Variants in EFHC2 observed in about 807,000 individuals in gnomAD.
The protein encoded by EFHC2 is EF-hand domain-containing family member C2.
In EFHC2, 18 loss-of-function variants were observed where a neutral mutation model predicts 52.7. The observed-to-expected ratio is 0.34, with a 90% CI of 0.24 to 0.51. The LOEUF (loss-of-function observed/expected upper bound fraction) is 0.51. Ranked by LOEUF, EFHC2 falls within the 20% of genes least tolerant of loss-of-function variation. EFHC2 has a pLI of 0.97. For missense variants in EFHC2, 513 were observed against 562.5 expected, an observed-to-expected ratio of 0.91 and a Z score of 0.89; for synonymous variants, 203 against 204.1, an observed-to-expected ratio of 0.99 and a Z score of 0.04.
intron 11 of EFHC2, among the ~76,000 whole-genome samples, chrX:44,202,359 C>T (rs1239299174): frequency 9.0e-6 from 1 of 111,138 alleles, no homozygotes; most frequent in Non-Finnish European, 1.9e-5. Flanking sequence ...CTGTAGTGAG[C>T]GGAGATCGCT....
chrX:44,157,736 A>ACCCCCCCCCCCCCCCCCCC (rs1348786049), intron 14 of EFHC2, among the ~76,000 whole-genome samples: 11 of 66,617 alleles, frequency 1.7e-4, no homozygotes, highest in Non-Finnish European at 1.9e-4. Flanking sequence ...TGAGTGCTCC[A>ACCCCCCCCCCCCCCCCCCC]CCCCCCTCCC....
intron 11 of EFHC2, among the ~76,000 whole-genome samples, chrX:44,179,297 T>C (rs1408277980): frequency 2.7e-5 from 3 of 111,901 alleles, no homozygotes; most frequent in African/African-American, 6.5e-5. Context: ...CCAGACAGAA[T>C]TATATCAAAA....
At chrX:44,331,600 C>CTGAT (rs2038086986) in intron 1 of EFHC2, among the ~76,000 whole-genome samples, 1 of 111,677 alleles carries the variant, frequency 9.0e-6, no homozygotes, top group African/African-American at 3.3e-5. Flanking sequence ...TGTCAAGATA[C>CTGAT]TGATTGTGAT....
intron 2 of EFHC2, among the ~76,000 whole-genome samples, chrX:44,308,167 T>A (rs1446147582): frequency 9.0e-6 from 1 of 111,252 alleles, no homozygotes; most frequent in African/African-American, 3.3e-5. Flanking sequence ...TATAAATGAA[T>A]TAACTCACAC....
intron 7 of EFHC2, among the ~76,000 whole-genome samples, chrX:44,243,080 G>A (rs1346893928): frequency 9.0e-6 from 1 of 111,699 alleles, no homozygotes; most frequent in Non-Finnish European, 1.9e-5. Context: ...GAGAGGTGGA[G>A]AGAGAGCTGG....
Position 44,228,110 on chromosome X carries a change from C to G in EFHC2, c.1751+1539G>C, listed in dbSNP as rs145661102. The stretch of plus-strand genomic sequence containing the variant: ...CCACTGAAGGATTTTTCAAGCCAGG[C>G]GAAACCTGATCTGAGTTTCATTTTA... On this transcript the variant is annotated intron_variant, in intron 11 of 14. Transcript: ENST00000420999. Among the ~76,000 whole-genome samples, 205 of 112,120 alleles carry G rather than the reference C, an allele frequency of 1.8e-3. 2 individuals carry two copies. Among genetic ancestry groups the G allele is most frequent in the African/African-American group, 6.4e-3 (198 of 30,903 alleles).
intron 4 of EFHC2, among the ~76,000 whole-genome samples, chrX:44,252,212 T>C (rs1207960157): frequency 9.0e-6 from 1 of 111,682 alleles, no homozygotes; most frequent in African/African-American, 3.3e-5. Flanking sequence ...GATGCAACTC[T>C]TCCCTCTATT....
At chrX:44,310,374 G>C (rs1025159421) in intron 2 of EFHC2, 1 of 939,177 alleles carries the variant, frequency 1.1e-6, no homozygotes, top group Non-Finnish European at 1.5e-6. Flanking sequence ...CTCAGGGCCG[G>C]CGGCCTGTTC....
In EFHC2 at chrX:44,302,011, T is replaced by G. The variant is rs146855282; in HGVS notation, c.231+10557A>C. Reference sequence around the variant, plus strand: ...CAGAAGTTTTTGTGTGAACATGTTTTAATTTCTTTTAGATGGATACATAGA... The same window carrying G: ...CAGAAGTTTTTGTGTGAACATGTTTGAATTTCTTTTAGATGGATACATAGA... On this transcript the variant is annotated intron_variant, in intron 2 of 14. Transcript: ENST00000420999. Among the ~76,000 whole-genome samples, 383 of 112,117 alleles carry G rather than the reference T, an allele frequency of 3.4e-3. 3 individuals carry two copies. Among genetic ancestry groups the G allele is most frequent in the Middle Eastern group, 0.028 (6 of 215 alleles).
rs182075400 is a variant in EFHC2 at position 44,245,268 on chromosome X, G to A, written c.1112-2979C>T. ...AAGATTTTTGTTGAATCTAAGCATAGCCCAATAAGTGTTCAACAGCAACAA... is the reference window on the plus strand; with the variant it reads ...AAGATTTTTGTTGAATCTAAGCATAACCCAATAAGTGTTCAACAGCAACAA... On this transcript the variant is annotated intron_variant, in intron 7 of 14. Coordinates refer to ENST00000420999, the MANE Select transcript of EFHC2 (RefSeq NM_025184.4). Among the ~76,000 whole-genome samples, 3 of 111,967 alleles carry A rather than the reference G, an allele frequency of 2.7e-5. No individual in the cohort carries two copies. The Admixed American group carries it at 2.8e-4, about 11-fold the overall frequency.
rs192827775 is a variant in EFHC2 at position 44,232,585 on chromosome X, C to T, written c.1516G>A (p.Glu506Lys). ...ACCGTGACTCCAATGTACAGCTCCTCGGCCTTGATATATTCAGATAGTTCA... is the reference window on the plus strand; with the variant it reads ...ACCGTGACTCCAATGTACAGCTCCTTGGCCTTGATATATTCAGATAGTTCA... Reference protein sequence around the residue: ...KSELSEYIKAEELYIGVTVNV... With the variant: ...KSELSEYIKAKELYIGVTVNV... Residue 506 changes from glutamate to lysine, a missense_variant, in exon 10 of 15, where the codon GAG becomes AAG. Coordinates refer to ENST00000420999, the MANE Select transcript of EFHC2 (RefSeq NM_025184.4). 5,256 of 1,192,985 alleles carry T rather than the reference C, an allele frequency of 4.4e-3. 15 individuals carry two copies. The highest frequency in any genetic ancestry group is 0.028 in the Middle Eastern group (123 of 4,321).
intron 11 of EFHC2, among the ~76,000 whole-genome samples, chrX:44,195,062 C>T (rs899467688): frequency 8.9e-6 from 1 of 112,093 alleles, no homozygotes; most frequent in African/African-American, 3.2e-5. Context: ...TTCAATACTT[C>T]CCTCTCACTA....
intron 2 of EFHC2, among the ~76,000 whole-genome samples, chrX:44,306,631 C>A (rs1237697568): frequency 1.8e-5 from 2 of 112,056 alleles, no homozygotes; most frequent in Non-Finnish European, 3.8e-5. Flanking sequence ...TGCGGGATAA[C>A]AAATACTGGC....
At chrX:44,259,564 T>G (rs902108044) in intron 4 of EFHC2, among the ~76,000 whole-genome samples, 12 of 112,123 alleles carry the variant, frequency 1.1e-4, no homozygotes. Context: ...ATACATAAAT[T>G]TTTTTCTTCA....
intron 11 of EFHC2, among the ~76,000 whole-genome samples, chrX:44,223,507 T>C (rs1423029877): frequency 9.2e-6 from 1 of 109,052 alleles, no homozygotes; most frequent in Non-Finnish European, 1.9e-5. Flanking sequence ...ATAAATTCCT[T>C]TTTTTTTTGC....
At chrX:44,305,582 G>A (rs1039823213) in intron 2 of EFHC2, among the ~76,000 whole-genome samples, 2 of 112,384 alleles carry the variant, frequency 1.8e-5, no homozygotes, top group African/African-American at 3.2e-5. Context: ...ATGTTGCACC[G>A]AAGGCAAGTG....
At chrX:44,224,088 T>C (rs1212552768) in intron 11 of EFHC2, among the ~76,000 whole-genome samples, 1 of 112,071 alleles carries the variant, frequency 8.9e-6, no homozygotes, top group Non-Finnish European at 1.9e-5. Flanking sequence ...CCACCAACAA[T>C]GATGTTTATT....
intron 11 of EFHC2, among the ~76,000 whole-genome samples, chrX:44,211,786 G>T (rs747678105): frequency 1.9e-4 from 20 of 103,435 alleles, no homozygotes; most frequent in Non-Finnish European, 3.3e-4. Context: ...GTACGAGAAC[G>T]GCGTGAAGCC....
chrX:44,209,512 CT>C (rs780892451), intron 11 of EFHC2, among the ~76,000 whole-genome samples: 2 of 111,096 alleles, frequency 1.8e-5, no homozygotes, highest in Non-Finnish European at 3.8e-5. Flanking sequence ...AAATATCAAT[CT>C]TATTTCTATA....
Sources: allele counts gnomAD v4.1 joint callset (sites outside exome capture counted in the v4.1 genomes callset), GRCh38; gene constraint gnomAD v4.1.1; transcripts MANE v1.5; gene names NCBI Gene and HGNC (gene_info 2026-07-23, HGNC 2026-07-21).